TAGLN: variants seen among roughly 807,000 people sequenced by gnomAD.
TAGLN encodes the protein 22 kDa actin-binding protein.
A neutral mutation model predicts 21.9 loss-of-function variants in TAGLN; 16 were observed. The ratio of observed to expected loss-of-function variants is 0.73; its 90% CI spans 0.49 to 1.11. The LOEUF (loss-of-function observed/expected upper bound fraction) is 1.11. TAGLN is among the 50% of genes least tolerant of loss of function. TAGLN has a pLI of 0.00. For synonymous variants in TAGLN, 96 were observed against 94.9 expected, an observed-to-expected ratio of 1.01 and a Z score of -0.06; for missense variants, 248 against 263.2, an observed-to-expected ratio of 0.94 and a Z score of 0.40.
At chr11:117,200,654 G>C (rs2134268469) in intron 1 of TAGLN, among the ~76,000 whole-genome samples, 1 of 152,266 alleles carries the variant, frequency 6.6e-6, no homozygotes, top group South Asian at 2.1e-4. Context: ...TGGTGGTGCT[G>C]GGTGGGAGTG....
Position 117,204,755 on chromosome 11 carries a change from G to T in TAGLN, c.*396G>T. On this transcript the variant is annotated 3_prime_UTR_variant, in exon 5 of 5. Transcript: ENST00000392951. Reference sequence around the variant, plus strand: ...TTGTCCTGGAATATTTTTGGGGTTGGAACTCAAAAAAAAAAAAAAAAAATC... The same window carrying T: ...TTGTCCTGGAATATTTTTGGGGTTGTAACTCAAAAAAAAAAAAAAAAAATC... 1.5e-5 allele frequency: 3 copies of T among 197,830 alleles called. No homozygotes were observed. Among genetic ancestry groups the T allele is most frequent in the Non-Finnish European group, 2.8e-5 (3 of 107,544 alleles). 12.3% of individuals were successfully genotyped at this position (197,830 alleles called of 1,614,324 possible).
intron 1 of TAGLN, chr11:117,199,979 G>C (rs1028955202): frequency 6.6e-6 from 1 of 152,068 alleles, no homozygotes; most frequent in Non-Finnish European, 1.5e-5. Flanking sequence ...GAGACGGAAG[G>C]CCTGTCCTTC....
chr11:117,203,050 G>A lies in TAGLN; in HGVS notation c.37G>A (p.Glu13Lys), dbSNP rs774227686. The A allele has an allele frequency of 8.7e-6, 14 of 1,601,126 alleles. No homozygotes were observed. Among genetic ancestry groups the A allele is most frequent in the Admixed American group, 1.7e-5 (1 of 58,308 alleles). The change falls in exon 2 of 5, where the codon GAA (glutamate) becomes AAA (lysine). Residue 13 changes from glutamate to lysine, a missense_variant. Glu to Lys is a moderately conservative substitution (Grantham distance 56). Coordinates refer to ENST00000392951, the MANE Select transcript of TAGLN (RefSeq NM_003186.5). This position sits in a 1 kb window ranked among gnomAD's most constrained non-coding sequence, Gnocchi z 4.4. Reference sequence around the variant, plus strand: ...GGGTCCTTCCTATGGCATGAGCCGCGAAGTGCAGTCCAAAATCGAGAAGAA... The same window carrying A: ...GGGTCCTTCCTATGGCATGAGCCGCAAAGTGCAGTCCAAAATCGAGAAGAA... Reference protein sequence around the residue: ...NKGPSYGMSREVQSKIEKKYD... With the variant: ...NKGPSYGMSRKVQSKIEKKYD...
In TAGLN at chr11:117,206,114, G is replaced by T; in HGVS notation, c.*1755G>T. The T allele has an allele frequency of 6.3e-7, 1 of 1,595,762 alleles. No individual in the cohort carries two copies. The highest frequency in any genetic ancestry group is 1.7e-4 in the Middle Eastern group (1 of 5,960). On this transcript the variant is annotated 3_prime_UTR_variant, in exon 5 of 5. Transcript: ENST00000392951. ...CTTGCTCCAGCAGGTCTGGGGCAAG[G>T]AGGTCAGAGGTGGTGGGAGGGCCCC...
chr11:117,204,140 G>A (rs989160679), intron 4 of TAGLN, 75 bp from the exon 5 acceptor site: 50 of 1,598,796 alleles, frequency 3.1e-5, no homozygotes, highest in African/African-American at 8.0e-5. Flanking sequence ...GGGCTAGGAC[G>A]TAACAGAGGG....
At position 117,203,211 on chromosome 11, in the gene TAGLN, C is replaced by A; in HGVS notation, c.180+18C>A. 6.3e-7 allele frequency: 1 copy of A among 1,591,438 alleles called. No homozygotes were observed. ...ATGGCGTGGTGAGTGGCACCCTGGGCTAGGGCGCTGGGGGGCTGGGGTGTG... is the reference window on the plus strand; with the variant it reads ...ATGGCGTGGTGAGTGGCACCCTGGGATAGGGCGCTGGGGGGCTGGGGTGTG... On this transcript the variant is annotated intron_variant, in intron 2 of 4. Transcript: ENST00000392951. This position sits in a 1 kb window ranked among gnomAD's most constrained non-coding sequence, Gnocchi z 4.4.
Position 117,204,974 on chromosome 11 carries a change from G to A in TAGLN, c.*615G>A, listed in dbSNP as rs12272889. Reference sequence around the variant, plus strand: ...TCAGAGGAAACAGGCCATAGAACAGGAGAGTGAATCTTGGGGACCGAAGGG... The same window carrying A: ...TCAGAGGAAACAGGCCATAGAACAGAAGAGTGAATCTTGGGGACCGAAGGG... On this transcript the variant is annotated 3_prime_UTR_variant, in exon 5 of 5. Coordinates refer to ENST00000392951, the MANE Select transcript of TAGLN (RefSeq NM_003186.5). 1,466 of 195,504 alleles carry A rather than the reference G, an allele frequency of 7.5e-3. 27 individuals carry two copies. The highest frequency in any genetic ancestry group is 0.032 in the African/African-American group (1,370 of 43,062). The allele number at this position is 195,504 out of a possible 1,614,324, so 12.1% of individuals were successfully genotyped here.
chr11:117,206,045 A>G lies in TAGLN; in HGVS notation c.*1686A>G. On this transcript the variant is annotated 3_prime_UTR_variant, in exon 5 of 5. Coordinates refer to ENST00000392951, the MANE Select transcript of TAGLN (RefSeq NM_003186.5). Reference sequence around the variant, plus strand: ...CGTGCGGTACGTCTAGGTGCTGATGAGGGCAGTCCAGGGCGCTCTTGTTCT... The same window carrying G: ...CGTGCGGTACGTCTAGGTGCTGATGGGGGCAGTCCAGGGCGCTCTTGTTCT... The G allele has an allele frequency of 7.5e-7, 1 of 1,325,686 alleles. No homozygotes were observed. Among genetic ancestry groups the G allele is most frequent in the Non-Finnish European group, 1.1e-6 (1 of 947,006 alleles). The allele number at this position is 1,325,686 out of a possible 1,614,324, so 82.1% of individuals were successfully genotyped here. A position where few individuals can be genotyped will look rare whatever the true frequency, so the allele number is the denominator to read the frequency against.
In TAGLN at chr11:117,202,117, AG is replaced by A. The variant is rs1401239591; in HGVS notation, c.-12-884del. 7 of 152,410 alleles carry A rather than the reference AG, an allele frequency of 4.6e-5. 1 individual carries two copies. Among genetic ancestry groups the A allele is most frequent in the Admixed American group, 4.6e-4 (7 of 15,284 alleles). 9.4% of individuals were successfully genotyped at this position (152,410 alleles called of 1,614,324 possible). On this transcript the variant is annotated intron_variant, in intron 1 of 4. Coordinates refer to ENST00000392951, the MANE Select transcript of TAGLN (RefSeq NM_003186.5). ...CCAGGCTTCCCATTCCCTGGCAGGC[AG>A]ACTCTTGGCTCTGGAAGATCCCTGG...
chr11:117,206,159 G>A lies in TAGLN; in HGVS notation c.*1800G>A, dbSNP rs139944026. On this transcript the variant is annotated 3_prime_UTR_variant, in exon 5 of 5. Coordinates refer to ENST00000392951, the MANE Select transcript of TAGLN (RefSeq NM_003186.5). ...GGCCCCTGCTCTCTGTTTCCACTTC[G>A]TCTGGATCCTTGCTGCTGCAAAGTG... is the stretch of plus-strand genomic sequence containing the variant. 0.053 allele frequency: 84,606 copies of A among 1,597,836 alleles called. 1 individual carries two copies. Among genetic ancestry groups the A allele is most frequent in the East Asian group, 0.092 (4,108 of 44,572 alleles).
chr11:117,200,500 G>C (rs555530184), intron 1 of TAGLN, among the ~76,000 whole-genome samples: 2 of 152,238 alleles, frequency 1.3e-5, no homozygotes, highest in Admixed American at 6.5e-5. Context: ...AGATGCCCCT[G>C]GGGGGGCCGC....
At position 117,203,833 on chromosome 11, in the gene TAGLN, C is replaced by T. The variant is rs563850243; in HGVS notation, c.410C>T (p.Ala137Val). The stretch of plus-strand genomic sequence containing the variant: ...ACCCTGATGGCTTTGGGCAGCTTGG[C>T]AGTGACCAAGAATGATGGGCACTAC... Reference protein sequence around the residue: ...QRTLMALGSLAVTKNDGHYRG... With the variant: ...QRTLMALGSLVVTKNDGHYRG... Residue 137 changes from alanine to valine, a missense_variant, in exon 4 of 5, where the codon GCA (alanine) becomes GTA (valine). Physicochemically the swap from Ala to Val is moderately conservative, Grantham distance 64. Coordinates refer to ENST00000392951, the MANE Select transcript of TAGLN (RefSeq NM_003186.5). The surrounding 1 kb of genome is among the most constrained non-coding windows in gnomAD (Gnocchi z 4.4). The T allele has an allele frequency of 6.2e-7, 1 of 1,614,034 alleles. No individual in the cohort carries two copies. Among genetic ancestry groups the T allele is most frequent in the Non-Finnish European group, 8.5e-7 (1 of 1,179,938 alleles).
rs1259555874 is a variant in TAGLN, at chr11:117,204,438, C to T, written c.*79C>T. 2.5e-6 allele frequency: 4 copies of T among 1,599,850 alleles called. No individual in the cohort carries two copies. The highest frequency in any genetic ancestry group is 3.4e-5 in the Admixed American group (2 of 58,854). On this transcript the variant is annotated 3_prime_UTR_variant, in exon 5 of 5. Coordinates refer to ENST00000392951, the MANE Select transcript of TAGLN (RefSeq NM_003186.5). The stretch of plus-strand genomic sequence containing the variant: ...CATCCCGCTTAGCCTGCCTCACCCA[C>T]ACCCGTGTGGTACCTTCAGCCCTGG...
rs1355814079 is a variant in TAGLN, at chr11:117,206,946, T to C, written c.*2587T>C. On this transcript the variant is annotated 3_prime_UTR_variant, in exon 5 of 5. Coordinates refer to ENST00000392951, the MANE Select transcript of TAGLN (RefSeq NM_003186.5). ...AGACTGTGAGTTCCCAGCCCGGGGCTCCATCTACCGGCTTGACGCTGGAAC... is the reference window on the plus strand; with the variant it reads ...AGACTGTGAGTTCCCAGCCCGGGGCCCCATCTACCGGCTTGACGCTGGAAC... 1.1e-5 allele frequency: 14 copies of C among 1,260,292 alleles called. No individual in the cohort carries two copies. Among genetic ancestry groups the C allele is most frequent in the Non-Finnish European group, 1.6e-5 (14 of 865,444 alleles). The allele number at this position is 1,260,292 out of a possible 1,614,324, so 78.1% of individuals were successfully genotyped here.
In TAGLN at chr11:117,203,010, A is replaced by C. The variant is rs769799821; in HGVS notation, c.-4A>C. On this transcript the variant is annotated 5_prime_UTR_variant, in exon 2 of 5. Coordinates refer to ENST00000392951, the MANE Select transcript of TAGLN (RefSeq NM_003186.5). The surrounding 1 kb of genome is among the most constrained non-coding windows in gnomAD (Gnocchi z 4.4). ...ACCCTGGCCTGCTTTAGCTTTCCCC[A>C]GACATGGCCAACAAGGGTCCTTCCT... 1.9e-6 allele frequency: 3 copies of C among 1,552,416 alleles called. No homozygotes were observed. Among genetic ancestry groups the C allele is most frequent in the Non-Finnish European group, 1.7e-6 (2 of 1,147,844 alleles).
At chr11:117,202,919 G>C (rs1187163685) in intron 1 of TAGLN, 83 bp from the exon 2 acceptor site, 5 of 1,343,194 alleles carry the variant, frequency 3.7e-6, no homozygotes, top group Non-Finnish European at 4.0e-6. Context: ...CCTGCACAGA[G>C]CTAGAAGGCT....
rs1466474384 is a variant in TAGLN at position 117,205,407 on chromosome 11, C to T, written c.*1048C>T. 8.6e-6 allele frequency: 2 copies of T among 233,612 alleles called. No homozygotes were observed. The highest frequency in any genetic ancestry group is 6.0e-5 in the East Asian group (1 of 16,596). 14.5% of individuals were successfully genotyped at this position (233,612 alleles called of 1,614,324 possible). On this transcript the variant is annotated 3_prime_UTR_variant, in exon 5 of 5. Transcript: ENST00000392951. ...GATTCCCTAGTGAAGCAGCTCAGGC[C>T]TGGGGGAGCCGTGTGTATCCCAGCT...
At chr11:117,202,095 G>C (rs560590797) in intron 1 of TAGLN, 1 of 152,394 alleles carries the variant, frequency 6.6e-6, no homozygotes, top group Non-Finnish European at 1.5e-5. Context: ...GATGGGGCCA[G>C]GCTTCCCATT....
In TAGLN at chr11:117,203,253, G is replaced by C; in HGVS notation, c.181-54G>C. 1 of 1,605,464 alleles carries C rather than the reference G, an allele frequency of 6.2e-7. No homozygotes were observed. Among genetic ancestry groups the C allele is most frequent in the Non-Finnish European group, 8.5e-7 (1 of 1,173,492 alleles). ...TGGGGTGTGCCACCCTGTGAGTCCTGGGCCAATCCCTGAGCTGACTGCTAA... is the reference window on the plus strand; with the variant it reads ...TGGGGTGTGCCACCCTGTGAGTCCTCGGCCAATCCCTGAGCTGACTGCTAA... On this transcript the variant is annotated intron_variant, in intron 2 of 4. Transcript: ENST00000392951. The surrounding 1 kb of genome is among the most constrained non-coding windows in gnomAD (Gnocchi z 4.4).
Sources: gnomAD v4.1 joint callset for allele counts (sites outside exome capture counted in the v4.1 genomes callset) on GRCh38, gnomAD v4.1.1 for gene constraint, Gnocchi (gnomAD v3.1) non-coding constraint, MANE v1.5 for transcripts, NCBI Gene and HGNC (gene_info 2026-07-23, HGNC 2026-07-21) for gene names.